The following TLL1 variants were observed in gnomAD, a reference collection of about 807,000 sequenced individuals.
TLL1 encodes the protein tolloid like 1, also known as tolloid-like protein 1.
TLL1 carries 49 observed loss-of-function variants against 128.2 expected under a neutral mutation model. The ratio of observed to expected loss-of-function variants is 0.38; its 90% confidence interval spans 0.30 to 0.48. The LOEUF is 0.48. Among genes scored for constraint, TLL1 ranks in the 20% least tolerant of loss-of-function variants. TLL1 has a pLI of 0.96. For missense variants in TLL1, 1,123 were observed against 1,242.0 expected, an observed-to-expected ratio of 0.90 and a Z score of 1.44; for synonymous variants, 454 against 418.8, an observed-to-expected ratio of 1.08 and a Z score of -1.03.
At chr4:166,063,432 A>G (rs573086719) in intron 15 of TLL1, among the ~76,000 whole-genome samples, 3 of 152,244 alleles carry the variant, frequency 2.0e-5, no homozygotes, top group East Asian at 3.9e-4. Flanking sequence ...AGACAGTGTG[A>G]CGATTCCTCA....
At chr4:165,968,503 T>C (rs887799571) in intron 1 of TLL1, among the ~76,000 whole-genome samples, 8 of 152,174 alleles carry the variant, frequency 5.3e-5, no homozygotes, top group Non-Finnish European at 1.0e-4. Context: ...CACTATTCTA[T>C]AGAGTAAGGT....
intron 14 of TLL1, among the ~76,000 whole-genome samples, chr4:166,059,208 TAC>T (rs370236945): frequency 0.042 from 6,356 of 150,668 alleles, 193 homozygotes; most frequent in African/African-American, 0.068. Context: ...TATATGTGTA[TAC>T]ACACACACAC....
intron 5 of TLL1, among the ~76,000 whole-genome samples, chr4:165,998,293 CTAAA>C (rs1736978182): frequency 6.6e-6 from 1 of 151,978 alleles, no homozygotes; most frequent in African/African-American, 2.4e-5. Context: ...CCTTTTATAG[CTAAA>C]TAGATTCTAT....
At position 165,994,546 on chromosome 4, in the gene TLL1, C is replaced by T. The variant is rs1483791883; in HGVS notation, c.514+13C>T. 3.7e-6 allele frequency: 6 copies of T among 1,613,488 alleles called. No homozygotes were observed. Among genetic ancestry groups the T allele is most frequent in the Non-Finnish European group, 4.2e-6 (5 of 1,179,632 alleles). On this transcript the variant is annotated intron_variant, in intron 4 of 20. Transcript: ENST00000061240. Reference sequence around the variant, plus strand: ...GGAAACTTCACTGGTAAGATACTCCCAGCATGTCTGTTTTCATAAAGAAAT... The same window carrying T: ...GGAAACTTCACTGGTAAGATACTCCTAGCATGTCTGTTTTCATAAAGAAAT...
chr4:166,059,247 A>G (rs1440867212), intron 14 of TLL1, among the ~76,000 whole-genome samples: 1 of 152,066 alleles, frequency 6.6e-6, no homozygotes, highest in African/African-American at 2.4e-5. Flanking sequence ...AAAGACAAAA[A>G]AGGGACCAGT....
chr4:166,037,405 T>G, intron 9 of TLL1, among the ~76,000 whole-genome samples: 1 of 152,264 alleles, frequency 6.6e-6, no homozygotes, highest in African/African-American at 2.4e-5. Context: ...TTTTGAAAAT[T>G]TTTGTAAACA....
chr4:165,890,874 TC>T (rs1250261078), intron 1 of TLL1, among the ~76,000 whole-genome samples: 5 of 152,160 alleles, frequency 3.3e-5, no homozygotes, highest in Non-Finnish European at 5.9e-5. Flanking sequence ...ACATTTTCCT[TC>T]CATACTGCCC....
Position 166,023,068 on chromosome 4 carries a change from G to A in TLL1, c.1043-2248G>A, listed in dbSNP as rs148724120. 3.1e-3 allele frequency among the ~76,000 whole-genome samples: 468 copies of A among 152,264 alleles called. 3 individuals carry two copies. The highest frequency in any genetic ancestry group is 0.01 in the African/African-American group (432 of 41,548). On this transcript the variant is annotated intron_variant, in intron 8 of 20. Coordinates refer to ENST00000061240, the MANE Select transcript of TLL1 (RefSeq NM_012464.5). ...GATAAAGCTTTTGAGCTTTGCATGC[G>A]ATGATGTAATTAATAAGTGACAATG...
intron 10 of TLL1, 150 bp from the exon 11 acceptor site, chr4:166,041,877 G>A: frequency 3.4e-6 from 2 of 586,942 alleles, no homozygotes; most frequent in Non-Finnish European, 6.2e-6. Context: ...CCATTAGTAA[G>A]TAAATTTAAG....
At chr4:166,067,676 T>A (rs1321701710) in intron 16 of TLL1, among the ~76,000 whole-genome samples, 2 of 151,726 alleles carry the variant, frequency 1.3e-5, no homozygotes, top group African/African-American at 2.4e-5. Context: ...GCACTTAAAA[T>A]ATATATATAT....
At chr4:166,007,193 G>A (rs967948020) in intron 6 of TLL1, among the ~76,000 whole-genome samples, 1 of 151,662 alleles carries the variant, frequency 6.6e-6, no homozygotes, top group Non-Finnish European at 1.5e-5. Context: ...TTGAATTTAA[G>A]TCTGTGTTCT....
intron 1 of TLL1, among the ~76,000 whole-genome samples, chr4:165,952,186 A>G (rs1734556757): frequency 6.6e-6 from 1 of 152,164 alleles, no homozygotes; most frequent in Non-Finnish European, 1.5e-5. Context: ...GTCAAGGAAA[A>G]TGTGAAATGA....
chr4:166,025,053 G>T (rs535010682), intron 8 of TLL1, among the ~76,000 whole-genome samples: 9 of 151,956 alleles, frequency 5.9e-5, no homozygotes, highest in East Asian at 3.9e-4. Flanking sequence ...GAATGAAAAA[G>T]GTTTCCATGA....
chr4:166,034,758 A>G (rs762022369), intron 9 of TLL1, among the ~76,000 whole-genome samples: 2 of 152,182 alleles, frequency 1.3e-5, no homozygotes, highest in Non-Finnish European at 2.9e-5. Context: ...GAGAAGTCTG[A>G]GTCCATTAAT....
rs556869174 is a variant in TLL1, at chr4:165,982,485, C to T, written c.170-6896C>T. Among the ~76,000 whole-genome samples, 4 of 151,862 alleles carry T rather than the reference C, an allele frequency of 2.6e-5. No homozygotes were observed. In the East Asian group the frequency reaches 5.8e-4, roughly 22 times the overall value. On this transcript the variant is annotated intron_variant, in intron 1 of 20. Transcript: ENST00000061240. Reference sequence around the variant, plus strand: ...TTTTTAAATTTTGGGAAGTTTATTTCGCTGAGGCCATGTTGTTTTATGGCT... The same window carrying T: ...TTTTTAAATTTTGGGAAGTTTATTTTGCTGAGGCCATGTTGTTTTATGGCT...
intron 7 of TLL1, among the ~76,000 whole-genome samples, chr4:166,010,766 T>A (rs1211411351): frequency 6.6e-6 from 1 of 151,164 alleles, no homozygotes; most frequent in Admixed American, 6.6e-5. Context: ...ATTCTAGAAG[T>A]TGTATAGTTT....
chr4:166,029,736 A>G (rs1229923350), intron 9 of TLL1, among the ~76,000 whole-genome samples: 7 of 152,108 alleles, frequency 4.6e-5, no homozygotes, highest in East Asian at 3.8e-4. Flanking sequence ...GAGAAACTTC[A>G]TATGATTGGA....
intron 3 of TLL1, among the ~76,000 whole-genome samples, chr4:165,993,906 G>A (rs1736750098): frequency 6.6e-6 from 1 of 152,008 alleles, no homozygotes; most frequent in Admixed American, 6.6e-5. Flanking sequence ...TTTACTACCT[G>A]TATAATATAG....
intron 1 of TLL1, among the ~76,000 whole-genome samples, chr4:165,961,605 C>T (rs954858600): frequency 1.3e-5 from 2 of 152,148 alleles, no homozygotes; most frequent in Non-Finnish European, 2.9e-5. Flanking sequence ...TAGCATGGTA[C>T]TGGTACAAAA....
Sources: gnomAD v4.1 joint callset for allele counts (sites outside exome capture counted in the v4.1 genomes callset) on GRCh38, gnomAD v4.1.1 for gene constraint, MANE v1.5 for transcripts, NCBI Gene and HGNC (gene_info 2026-07-23, HGNC 2026-07-21) for gene names.